CCDC148: variants seen among roughly 807,000 people sequenced by gnomAD.
CCDC148 encodes coiled-coil domain-containing protein 148.
CCDC148 carries 89 observed loss-of-function variants against 85.7 expected under a neutral mutation model. The ratio of observed to expected loss-of-function variants is 1.04; its 90% CI spans 0.87 to 1.24. CCDC148 has a LOEUF of 1.24. Among genes scored for constraint, CCDC148 ranks in the 50% most tolerant of loss-of-function variants. CCDC148 has a pLI of 0.00. For missense variants in CCDC148, 692 were observed against 671.7 expected, an observed-to-expected ratio of 1.03 and a Z score of -0.33; for synonymous variants, 230 against 213.9, an observed-to-expected ratio of 1.08 and a Z score of -0.66.
intron 9 of CCDC148, among the ~76,000 whole-genome samples, chr2:158,283,613 A>T (rs1690454929): frequency 6.6e-6 from 1 of 152,218 alleles, no homozygotes; most frequent in Non-Finnish European, 1.5e-5. Context: ...AATCATTAAA[A>T]AGTCAGGAAA....
chr2:158,183,463 T>A (rs1232865234), intron 11 of CCDC148, among the ~76,000 whole-genome samples: 4 of 152,144 alleles, frequency 2.6e-5, no homozygotes, highest in Non-Finnish European at 5.9e-5. Context: ...CCCTTTTATC[T>A]GGAGTCACAG....
intron 1 of CCDC148, among the ~76,000 whole-genome samples, chr2:158,445,463 G>C (rs773953136): frequency 2.0e-5 from 3 of 152,140 alleles, no homozygotes; most frequent in African/African-American, 7.2e-5. Flanking sequence ...CACCGTGTCT[G>C]AGATTCAAAT....
intron 9 of CCDC148, among the ~76,000 whole-genome samples, chr2:158,289,587 C>A (rs900104819): frequency 1.3e-5 from 2 of 152,134 alleles, no homozygotes; most frequent in Non-Finnish European, 2.9e-5. Context: ...ATGACAGAAA[C>A]ATTCACAAGG....
At chr2:158,352,324 T>G (rs1419870117) in intron 2 of CCDC148, among the ~76,000 whole-genome samples, 1 of 151,702 alleles carries the variant, frequency 6.6e-6, no homozygotes, top group Non-Finnish European at 1.5e-5. Context: ...GTTGAAAACT[T>G]TGAAAAAAAT....
rs573225390 is a variant in CCDC148, at chr2:158,283,338, A to C, written c.1110+26095T>G. On this transcript the variant is annotated intron_variant, in intron 9 of 13. Transcript: ENST00000283233. ...AAAAGAAACTACCATCAGAGTGAAC[A>C]GGCAACCTACAACATGGGAGAAAAT... Among the ~76,000 whole-genome samples the C allele has an allele frequency of 4.5e-3, 690 of 152,358 alleles. 1 individual carries two copies. Among genetic ancestry groups the C allele is most frequent in the Middle Eastern group, 0.041 (12 of 294 alleles).
intron 1 of CCDC148, among the ~76,000 whole-genome samples, chr2:158,455,131 CAT>C (rs1477050817): frequency 6.6e-6 from 1 of 152,148 alleles, no homozygotes; most frequent in Non-Finnish European, 1.5e-5. Context: ...TTTCATTAAA[CAT>C]GTGTCTCATA....
intron 2 of CCDC148, among the ~76,000 whole-genome samples, chr2:158,346,968 G>A (rs12478755): frequency 0.043 from 6,530 of 152,182 alleles, 348 homozygotes; most frequent in Admixed American, 0.16. Context: ...AAGAAGGTAA[G>A]AGTGTTACAA....
At chr2:158,270,418 T>G (rs1335553144) in intron 9 of CCDC148, among the ~76,000 whole-genome samples, 1 of 152,102 alleles carries the variant, frequency 6.6e-6, no homozygotes, top group Non-Finnish European at 1.5e-5. Flanking sequence ...CACAAGCAAA[T>G]AGCAAAGGAT....
intron 9 of CCDC148, among the ~76,000 whole-genome samples, chr2:158,274,256 G>A (rs1216996793): frequency 2.6e-5 from 4 of 152,172 alleles, no homozygotes; most frequent in Non-Finnish European, 5.9e-5. Context: ...AGAATCGGCA[G>A]TTTAAAGAGA....
At chr2:158,256,636 A>T (rs1199724995) in intron 9 of CCDC148, among the ~76,000 whole-genome samples, 1 of 151,802 alleles carries the variant, frequency 6.6e-6, no homozygotes, top group Non-Finnish European at 1.5e-5. Flanking sequence ...ATTGCCATTT[A>T]TGAGAGATTA....
At chr2:158,249,345 G>A (rs141315213) in intron 10 of CCDC148, among the ~76,000 whole-genome samples, 1 of 152,200 alleles carries the variant, frequency 6.6e-6, no homozygotes, top group Admixed American at 6.6e-5. Flanking sequence ...TTTCATAACA[G>A]TAAATAATTG....
chr2:158,310,524 C>A (rs931100995), intron 8 of CCDC148, among the ~76,000 whole-genome samples: 4 of 151,810 alleles, frequency 2.6e-5, no homozygotes, highest in East Asian at 3.9e-4. Flanking sequence ...CCCCACCCCC[C>A]AGACGGGGCC....
chr2:158,255,029 T>C (rs1340301189), intron 9 of CCDC148, among the ~76,000 whole-genome samples: 1 of 148,254 alleles, frequency 6.7e-6, no homozygotes, highest in Admixed American at 6.8e-5. Flanking sequence ...TTTTAAACAG[T>C]GATGTACACA....
chr2:158,321,321 G>C (rs1692510679), intron 7 of CCDC148, among the ~76,000 whole-genome samples: 1 of 152,146 alleles, frequency 6.6e-6, no homozygotes, highest in African/African-American at 2.4e-5. Context: ...AGTTGGACAA[G>C]AGAAAATGGG....
chr2:158,450,493 G>C (rs1012641104), intron 1 of CCDC148, among the ~76,000 whole-genome samples: 1 of 152,130 alleles, frequency 6.6e-6, no homozygotes, highest in African/African-American at 2.4e-5. Context: ...TGGCTGTATG[G>C]GATCTGGCAG....
chr2:158,231,146 C>T (rs1452885301), intron 10 of CCDC148, among the ~76,000 whole-genome samples: 2 of 152,142 alleles, frequency 1.3e-5, no homozygotes, highest in East Asian at 1.9e-4. Context: ...GCCACATAAA[C>T]AGTATTTGAC....
intron 1 of CCDC148, among the ~76,000 whole-genome samples, chr2:158,404,368 TGAGG>T (rs1486037817): frequency 6.0e-4 from 92 of 152,128 alleles, no homozygotes; most frequent in Non-Finnish European, 2.8e-4. Flanking sequence ...TATTAGTAAA[TGAGG>T]ATGCCTAGAC....
At chr2:158,425,095 G>A (rs1431534606) in intron 1 of CCDC148, 1 of 469,082 alleles carries the variant, frequency 2.1e-6, no homozygotes. Flanking sequence ...CAATGATCTA[G>A]TGACTACTAT....
intron 9 of CCDC148, among the ~76,000 whole-genome samples, chr2:158,282,440 C>T (rs370333608): frequency 5.9e-5 from 9 of 152,186 alleles, no homozygotes; most frequent in Non-Finnish European, 1.0e-4. Flanking sequence ...TCTCAGGATA[C>T]AAAATCAATG....
Sources: allele counts gnomAD v4.1 joint callset (sites outside exome capture counted in the v4.1 genomes callset), GRCh38; gene constraint gnomAD v4.1.1; transcripts MANE v1.5; gene names NCBI Gene and HGNC (gene_info 2026-07-23, HGNC 2026-07-21).